Variants in PTGDS observed in about 807,000 individuals in gnomAD.
PTGDS encodes the protein prostaglandin-H2 D-isomerase.
PTGDS carries 21 observed loss-of-function variants against 28.4 expected under a neutral mutation model. The ratio of observed to expected loss-of-function variants is 0.74; its 90% CI spans 0.52 to 1.07. PTGDS has a LOEUF of 1.07. Ranked by LOEUF, PTGDS falls within the 50% of genes least tolerant of loss-of-function variation. The pLI, the probability that PTGDS is intolerant of heterozygous loss-of-function variation, is 0.00. For missense variants in PTGDS, 243 were observed against 247.7 expected, an observed-to-expected ratio of 0.98 and a Z score of 0.13; for synonymous variants, 102 against 106.0, an observed-to-expected ratio of 0.96 and a Z score of 0.23.
chr9:136,979,422 G>T, intron 3 of PTGDS, 123 bp downstream of exon 3: 1 of 1,561,008 alleles, frequency 6.4e-7, no homozygotes, highest in Non-Finnish European at 8.7e-7. Context: ...CCCCACCAGC[G>T]TCAGAGGCAA....
intron 3 of PTGDS, 46 bp downstream of exon 3, chr9:136,979,345 C>T (rs1044911208): frequency 2.5e-6 from 4 of 1,590,450 alleles, no homozygotes; most frequent in African/African-American, 1.3e-5. Context: ...CTGGGGGCGA[C>T]ACTTGCCGGG....
rs772458605 is a variant in PTGDS at position 136,980,817 on chromosome 9, G to A, written c.551-16G>A. 7 of 1,613,926 alleles carry A rather than the reference G, an allele frequency of 4.3e-6. No individual in the cohort carries two copies. The highest frequency in any genetic ancestry group is 5.1e-6 in the Non-Finnish European group (6 of 1,179,922). On this transcript the variant is annotated splice_polypyrimidine_tract_variant and intron_variant, in intron 5 of 6. Coordinates refer to ENST00000371625, the MANE Select transcript of PTGDS (RefSeq NM_000954.6). ...TCTGGGGTTCTGACGACAGCCCCTG[G>A]CTTCTTTCTTGGCAGATAAGTGCAT...
At chr9:136,978,327 G>A (rs1830399772) in intron 1 of PTGDS, among the ~76,000 whole-genome samples, 1 of 152,038 alleles carries the variant, frequency 6.6e-6, no homozygotes, top group South Asian at 2.1e-4. Flanking sequence ...ACCGGGGGCG[G>A]AGGGGCCGAA....
At chr9:136,978,968 C>T (rs1588486836) in intron 1 of PTGDS, 25 bp from the exon 2 acceptor site, 1 of 1,600,706 alleles carries the variant, frequency 6.2e-7, no homozygotes, top group East Asian at 2.2e-5. Context: ...TCCTGGCCGA[C>T]GCGGGTGGGG....
chr9:136,978,762 C>A, intron 1 of PTGDS: 1 of 464,814 alleles, frequency 2.2e-6, no homozygotes, highest in Non-Finnish European at 3.8e-6. Flanking sequence ...GGGGCGTGGT[C>A]AGCTCCTGGG....
At chr9:136,980,412 A>AG (rs377080181) in intron 5 of PTGDS, 128 bp downstream of exon 5, 1 of 1,065,484 alleles carries the variant, frequency 9.4e-7, no homozygotes, top group South Asian at 1.6e-5. Context: ...CCAGGGACAG[A>AG]GGGGGTGAGT....
At position 136,980,489 on chromosome 9, in the gene PTGDS, C is replaced by T. The variant is rs555864858; in HGVS notation, c.550+205C>T. Among the ~76,000 whole-genome samples the T allele has an allele frequency of 2.0e-5, 3 of 152,314 alleles. No homozygotes were observed. The South Asian group carries it at 6.2e-4, about 32-fold the overall frequency. ...GCCCCCTCCATGGGGGACATGGAGACCAGGCGCCCACTCTGTGCCAGGCCC... is the reference window on the plus strand; with the variant it reads ...GCCCCCTCCATGGGGGACATGGAGATCAGGCGCCCACTCTGTGCCAGGCCC... On this transcript the variant is annotated intron_variant, in intron 5 of 6. Coordinates refer to ENST00000371625, the MANE Select transcript of PTGDS (RefSeq NM_000954.6).
intron 1 of PTGDS, among the ~76,000 whole-genome samples, chr9:136,978,120 G>A (rs1380238913): frequency 1.3e-5 from 2 of 152,180 alleles, no homozygotes; most frequent in African/African-American, 4.8e-5. Context: ...AGCCGGCGAC[G>A]CGCGCTCTCG....
chr9:136,979,506 C>A, intron 3 of PTGDS: 1 of 1,470,398 alleles, frequency 6.8e-7, no homozygotes, highest in Non-Finnish European at 9.2e-7. Context: ...GGGGTTGGAT[C>A]CTCTCTGGAG....
chr9:136,980,116 C>T (rs756263080), intron 4 of PTGDS, 54 bp downstream of exon 4: 1 of 1,607,038 alleles, frequency 6.2e-7, no homozygotes, highest in Admixed American at 1.7e-5. Flanking sequence ...GGGGGCTCCC[C>T]AAGACCCAGG....
chr9:136,979,925 G>T, intron 3 of PTGDS, 21 bp from the exon 4 acceptor site: 1 of 1,606,962 alleles, frequency 6.2e-7, no homozygotes, highest in Non-Finnish European at 8.5e-7. Flanking sequence ...TCCCCGACAG[G>T]GTTGTCTCTT....
intron 5 of PTGDS, 69 bp downstream of exon 5, chr9:136,980,353 T>C: frequency 1.3e-6 from 2 of 1,529,728 alleles, no homozygotes. Flanking sequence ...GTCTCCTGAC[T>C]GGGGGAGGCA....
rs779297514 is a variant in PTGDS, at chr9:136,977,659, G to A, written c.81G>A (p.Gln27=). 3.1e-6 allele frequency: 5 copies of A among 1,606,658 alleles called. No individual in the cohort carries two copies. The highest frequency in any genetic ancestry group is 4.2e-6 in the Non-Finnish European group (5 of 1,177,634). The part of the protein sequence containing the change: ...LGDLQAAPEA[Q]VSVQPNFQQD... ...ACCTGCAGGCAGCACCGGAGGCCCA[G>A]GTCTCCGTGCAGCCCAACTTCCAGC... Residue 27 remains glutamine, a synonymous_variant, in exon 1 of 7, where the codon CAG becomes CAA. Coordinates refer to ENST00000371625, the MANE Select transcript of PTGDS (RefSeq NM_000954.6).
At chr9:136,977,729 G>A in intron 1 of PTGDS, 37 bp downstream of exon 1, 3 of 1,509,342 alleles carry the variant, frequency 2.0e-6, no homozygotes, top group Non-Finnish European at 1.8e-6. Context: ...AAGGGCTACA[G>A]GACCCTGTCA....
At position 136,978,985 on chromosome 9, in the gene PTGDS, C is replaced by T. The variant is rs34184410; in HGVS notation, c.115-8C>T. 5.4e-3 allele frequency: 8,713 copies of T among 1,604,724 alleles called. 422 individuals carry two copies. In the African/African-American group the frequency reaches 0.1, roughly 19 times the overall value. On this transcript the variant is annotated splice_region_variant and splice_polypyrimidine_tract_variant and intron_variant, in intron 1 of 6. Transcript: ENST00000371625. ...CTGGCCGACGCGGGTGGGGGTCGCT[C>T]GCCGCAGTTCCTGGGGCGCTGGTTC...
At position 136,979,143 on chromosome 9, in the gene PTGDS, G is replaced by A. The variant is rs200357256; in HGVS notation, c.254+11G>A. Reference sequence around the variant, plus strand: ...CTCCACCTTCCTCAGGTGGGACAGCGGGCAGGTGGGTTTCTGGGACGGAGA... The same window carrying A: ...CTCCACCTTCCTCAGGTGGGACAGCAGGCAGGTGGGTTTCTGGGACGGAGA... On this transcript the variant is annotated intron_variant, in intron 2 of 6. Coordinates refer to ENST00000371625, the MANE Select transcript of PTGDS (RefSeq NM_000954.6). 2.6e-4 allele frequency: 425 copies of A among 1,612,880 alleles called. No individual in the cohort carries two copies. In the African/African-American group the frequency reaches 5.0e-3, roughly 19 times the overall value.
intron 1 of PTGDS, 80 bp downstream of exon 1, chr9:136,977,772 C>T (rs1830386625): frequency 7.7e-7 from 1 of 1,292,274 alleles, no homozygotes; most frequent in Non-Finnish European, 1.1e-6. Flanking sequence ...GGTCTTCCCC[C>T]TGGGAGGAGT....
chr9:136,979,575 GC>G, intron 3 of PTGDS: 1 of 906,196 alleles, frequency 1.1e-6, no homozygotes, highest in Non-Finnish European at 1.6e-6. Context: ...CACATAAGCA[GC>G]CCCCCAAGGC....
Position 136,979,203 on chromosome 9 carries a change from C to T in PTGDS, c.255-20C>T, listed in dbSNP as rs371566075. ...ACACCCTCGGGCCTAACCCCTGACC[C>T]TGAGGTCACCCACCTACAGGAAAAA... On this transcript the variant is annotated intron_variant, in intron 2 of 6. Coordinates refer to ENST00000371625, the MANE Select transcript of PTGDS (RefSeq NM_000954.6). 9.1e-5 allele frequency: 146 copies of T among 1,613,156 alleles called. No individual in the cohort carries two copies. The African/African-American group carries it at 1.9e-3, about 21-fold the overall frequency.
Sources: gnomAD v4.1 joint callset for allele counts (sites outside exome capture counted in the v4.1 genomes callset) on GRCh38, gnomAD v4.1.1 for gene constraint, MANE v1.5 for transcripts, NCBI Gene and HGNC (gene_info 2026-07-23, HGNC 2026-07-21) for gene names.